HEMGN: variants seen among roughly 807,000 people sequenced by gnomAD.
HEMGN encodes hemogen.
Under a neutral mutation model 45.7 loss-of-function variants are expected in HEMGN, and 32 were observed. That is an observed-to-expected ratio of 0.70 (90% CI 0.53 to 0.94). The LOEUF (loss-of-function observed/expected upper bound fraction) is 0.94. HEMGN is among the 40% of genes least tolerant of loss of function. HEMGN has a pLI of 0.00. For missense variants in HEMGN, 530 were observed against 564.2 expected (o/e 0.94, Z 0.61); for synonymous variants, 183 against 178.6 (o/e 1.02, Z -0.20).
At chr9:97,942,274 C>CTTTTTTTTTTTTT (rs56055830), upstream of HEMGN, among the ~76,000 whole-genome samples, 15 of 128,190 alleles carry the variant, frequency 1.2e-4, no homozygotes, top group South Asian at 2.4e-4. Flanking sequence ...CTAATTCCTT[C>CTTTTTTTTTTTTT]TTTTTTTTTT....
rs1307264855 is a variant in HEMGN at position 97,930,678 on chromosome 9, G to C, written c.717C>G (p.Pro239=). Residue 239 remains proline (P), a synonymous_variant, in exon 3 of 4, where the codon CCC becomes CCG. Coordinates refer to ENST00000616898, the MANE Select transcript of HEMGN (RefSeq NM_197978.3). The stretch of plus-strand genomic sequence containing the variant: ...CAGATGTTGGACAAGGAAGGATTTT[G>C]GGTACAGCAGCTTCTTGGCACATTT... The part of the protein sequence containing the change: ...APKMCQEAAV[P]KILPCPTSED... The C allele has an allele frequency of 6.2e-7, 1 of 1,614,044 alleles. No individual in the cohort carries two copies. Among genetic ancestry groups the C allele is most frequent in the African/African-American group, 1.3e-5 (1 of 74,926 alleles).
chr9:97,930,987 T>C lies in HEMGN; in HGVS notation c.408A>G (p.Ile136Met). The C allele has an allele frequency of 6.2e-7, 1 of 1,614,176 alleles. No individual in the cohort carries two copies. Among genetic ancestry groups the C allele is most frequent in the Non-Finnish European group, 8.5e-7 (1 of 1,179,996 alleles). The change falls in exon 3 of 4, where the codon ATA becomes ATG. Residue 136 changes from isoleucine (I) to methionine (M), a missense_variant. Ile to Met is a conservative substitution (Grantham distance 10). Transcript: ENST00000616898. ...KVVPEEHFSE[I>M]CQESNIYQEN... The stretch of plus-strand genomic sequence containing the variant: ...CCTGATATATGTTACTTTCTTGACA[T>C]ATTTCAGAAAAGTGTTCCTCAGGCA...
intron 3 of HEMGN, among the ~76,000 whole-genome samples, chr9:97,929,356 A>G (rs1039754210): frequency 6.6e-6 from 1 of 152,250 alleles, no homozygotes; most frequent in African/African-American, 2.4e-5. Flanking sequence ...ATTTCTTTAG[A>G]AATCAGTTTC....
At chr9:97,927,687 A>G (rs1826855058) in intron 3 of HEMGN, among the ~76,000 whole-genome samples, 1 of 152,194 alleles carries the variant, frequency 6.6e-6, no homozygotes, top group South Asian at 2.1e-4. Context: ...GAAACCATAA[A>G]GGAAAAGACT....
At chr9:97,938,505 G>A (rs1046935819), upstream of HEMGN, 1 of 167,476 alleles carries the variant, frequency 6.0e-6, no homozygotes, top group Non-Finnish European at 1.3e-5. Context: ...ACAGATGGAG[G>A]TAGCCTAGTG....
chr9:97,928,090 G>T (rs1474063195), intron 3 of HEMGN, among the ~76,000 whole-genome samples: 2 of 149,436 alleles, frequency 1.3e-5, no homozygotes, highest in South Asian at 4.2e-4. Flanking sequence ...GCAGTGGCGC[G>T]ATCTCTGCTC....
In HEMGN at chr9:97,927,480, T is replaced by C. The variant is rs140737613; in HGVS notation, c.1361-2A>G. On this transcript the variant is annotated splice_acceptor_variant, in intron 3 of 3. Transcript: ENST00000616898. LOFTEE classifies it high-confidence loss of function. ...CTTCTTTGGGTTTTTCTTTCATTTC[T>C]GTAAAATCAAATAAAATAAAAAATA... 4 of 1,569,816 alleles carry C rather than the reference T, an allele frequency of 2.5e-6. No homozygotes were observed. Among genetic ancestry groups the C allele is most frequent in the Non-Finnish European group, 3.5e-6 (4 of 1,142,314 alleles).
intron 3 of HEMGN, among the ~76,000 whole-genome samples, chr9:97,928,909 T>G (rs1410484748): frequency 6.6e-6 from 1 of 151,932 alleles, no homozygotes; most frequent in Non-Finnish European, 1.5e-5. Context: ...CTGTCTCATT[T>G]GTTGAAACAA....
At chr9:97,927,850 TA>T (rs1249976897) in intron 3 of HEMGN, among the ~76,000 whole-genome samples, 1 of 151,900 alleles carries the variant, frequency 6.6e-6, no homozygotes, top group Non-Finnish European at 1.5e-5. Context: ...AAAAAAGAAA[TA>T]AAAAATGTTG....
upstream of HEMGN, among the ~76,000 whole-genome samples, chr9:97,940,461 C>A (rs375060854): frequency 9.9e-5 from 15 of 152,104 alleles, 1 homozygote; most frequent in African/African-American, 3.1e-4. Context: ...AGTGGAGAGA[C>A]ACTTTGGAGC....
chr9:97,935,984 A>G (rs2131556202), intron 2 of HEMGN, among the ~76,000 whole-genome samples, 187 bp downstream of exon 2: 1 of 152,322 alleles, frequency 6.6e-6, no homozygotes, highest in African/African-American at 2.4e-5. Context: ...TGTGTGTGTG[A>G]CTTTAGGCAA....
intron 2 of HEMGN, 39 bp from the exon 3 acceptor site, chr9:97,931,260 C>A: frequency 6.8e-7 from 1 of 1,475,648 alleles, no homozygotes; most frequent in Non-Finnish European, 9.1e-7. Flanking sequence ...AGTGGTACTA[C>A]AGAATTCAAA....
rs762389703 is a variant in HEMGN at position 97,930,919 on chromosome 9, G to C, written c.476C>G (p.Ser159Cys). Residue 159 changes from serine to cysteine, a missense_variant, in exon 3 of 4, where the codon TCT becomes TGT. Coordinates refer to ENST00000616898, the MANE Select transcript of HEMGN (RefSeq NM_197978.3). ...EYQEIAVQNH[S>C]SETCQHVSEP... ...AGACACATGTTGGCATGTTTCAGAA[G>C]AATGGTTTTGTACTGCTATTTCTTG... 21 of 1,614,028 alleles carry C rather than the reference G, an allele frequency of 1.3e-5. No homozygotes were observed. The highest frequency in any genetic ancestry group is 8.3e-5 in the Admixed American group (5 of 60,008).
rs538996577 is a variant in HEMGN, at chr9:97,928,268, C to T, written c.1361-790G>A. On this transcript the variant is annotated intron_variant, in intron 3 of 3. Coordinates refer to ENST00000616898, the MANE Select transcript of HEMGN (RefSeq NM_197978.3). The stretch of plus-strand genomic sequence containing the variant: ...GTCTCGATCTCCTGACCTCGTGATC[C>T]GCCCACCTCGGCCTCCCAACGTGCT... 2.0e-5 allele frequency among the ~76,000 whole-genome samples: 3 copies of T among 152,192 alleles called. No individual in the cohort carries two copies. The South Asian group carries it at 6.2e-4, about 32-fold the overall frequency.
chr9:97,931,208 G>GT lies in HEMGN; in HGVS notation c.186dup (p.Arg63ThrfsTer47), dbSNP rs750485705. On this transcript the variant is annotated frameshift_variant, in exon 3 of 4. Coordinates refer to ENST00000616898, the MANE Select transcript of HEMGN (RefSeq NM_197978.3). LOFTEE classifies it high-confidence loss of function. ...CCTTTTCCTGTTCTCTGCTGCTTGC[G>GT]TTTTTTCTGTTCTCTGCAGAAAGAA... 4 of 1,601,584 alleles carry GT rather than the reference G, an allele frequency of 2.5e-6. No individual in the cohort carries two copies. The highest frequency in any genetic ancestry group is 1.1e-5 in the South Asian group (1 of 88,380).
chr9:97,938,780 C>T (rs1375144953), upstream of HEMGN, among the ~76,000 whole-genome samples: 1 of 152,102 alleles, frequency 6.6e-6, no homozygotes, highest in Non-Finnish European at 1.5e-5. Context: ...TGCTGTTAGA[C>T]TTAGTTAAGA....
At chr9:97,938,257 C>T (rs1414559266), upstream of HEMGN, 1 of 673,658 alleles carries the variant, frequency 1.5e-6, no homozygotes, top group African/African-American at 1.8e-5. Context: ...GTTTGCCTGT[C>T]ACTTGACTTC....
chr9:97,930,334 A>G lies in HEMGN; in HGVS notation c.1061T>C (p.Ile354Thr). ...CCCAGGAGTTTCTTGGTTTATTTCA[A>G]TTGAATAGTCTTCAGAATGAGGTGT... is the stretch of plus-strand genomic sequence containing the variant. ...QETPHSEDYS[I>T]EINQETPGSE... The change falls in exon 3 of 4, where the codon ATT becomes ACT. Residue 354 changes from isoleucine to threonine, a missense_variant. Physicochemically the swap from Ile to Thr is moderately conservative, Grantham distance 89. Coordinates refer to ENST00000616898, the MANE Select transcript of HEMGN (RefSeq NM_197978.3). 1 of 1,613,586 alleles carries G rather than the reference A, an allele frequency of 6.2e-7. No individual in the cohort carries two copies. Among genetic ancestry groups the G allele is most frequent in the Non-Finnish European group, 8.5e-7 (1 of 1,179,906 alleles).
upstream of HEMGN, among the ~76,000 whole-genome samples, chr9:97,939,168 T>C (rs546618906): frequency 2.0e-5 from 3 of 152,276 alleles, no homozygotes; most frequent in Admixed American, 2.0e-4. Context: ...GTGTTGACAT[T>C]CCCTAATTCA....
Sources: gnomAD v4.1 joint callset for allele counts (sites outside exome capture counted in the v4.1 genomes callset) on GRCh38, gnomAD v4.1.1 for gene constraint, MANE v1.5 for transcripts, NCBI Gene and HGNC (gene_info 2026-07-23, HGNC 2026-07-21) for gene names.